Variants in OSBPL1A observed in about 807,000 individuals in gnomAD.
OSBPL1A encodes oxysterol binding protein like 1A.
In OSBPL1A, 80 loss-of-function variants were observed where a neutral mutation model predicts 137.1. The ratio of observed to expected loss-of-function variants is 0.58; its 90% CI spans 0.49 to 0.70. The LOEUF (loss-of-function observed/expected upper bound fraction) is 0.70. Ranked by LOEUF, OSBPL1A falls within the 30% of genes least tolerant of loss-of-function variation. The pLI is 0.00. For synonymous variants in OSBPL1A, 365 were observed against 389.7 expected (o/e 0.94, Z 0.75); for missense variants, 970 against 1,129.4 (o/e 0.86, Z 2.02).
At chr18:24,366,774 T>C (rs1475246360) in intron 4 of OSBPL1A, 118 bp downstream of exon 4, 1 of 939,016 alleles carries the variant, frequency 1.1e-6, no homozygotes, top group East Asian at 2.7e-5. Flanking sequence ...TGCTGGTGTA[T>C]ACATTTTTTT....
At chr18:24,342,084 C>G (rs1003636513) in intron 4 of OSBPL1A, among the ~76,000 whole-genome samples, 1 of 152,064 alleles carries the variant, frequency 6.6e-6, no homozygotes, top group Non-Finnish European at 1.5e-5. Context: ...GATATTTAAA[C>G]AAAATAAAGC....
chr18:24,238,279 C>T (rs1168031795), intron 16 of OSBPL1A, among the ~76,000 whole-genome samples: 1 of 152,152 alleles, frequency 6.6e-6, no homozygotes, highest in Non-Finnish European at 1.5e-5. Context: ...ACTGTATATG[C>T]TCACCTATTA....
intron 15 of OSBPL1A, among the ~76,000 whole-genome samples, chr18:24,269,500 G>T (rs1044595235): frequency 6.6e-6 from 1 of 152,082 alleles, no homozygotes; most frequent in Admixed American, 6.6e-5. Context: ...ATTTTATGAA[G>T]ACAGACTGGT....
intron 17 of OSBPL1A, among the ~76,000 whole-genome samples, chr18:24,200,236 T>C (rs1430923258): frequency 6.6e-6 from 1 of 152,218 alleles, no homozygotes; most frequent in Non-Finnish European, 1.5e-5. Flanking sequence ...GAACAGTTTC[T>C]GCTTCATTTT....
At chr18:24,353,860 T>C (rs576905720) in intron 4 of OSBPL1A, among the ~76,000 whole-genome samples, 332 of 141,360 alleles carry the variant, frequency 2.3e-3, no homozygotes, top group African/African-American at 8.6e-3. Context: ...CAGGTGGGAA[T>C]TGAACAATGA....
intron 15 of OSBPL1A, among the ~76,000 whole-genome samples, chr18:24,274,960 G>T (rs1195729920): frequency 6.6e-6 from 1 of 151,772 alleles, no homozygotes; most frequent in Non-Finnish European, 1.5e-5. Flanking sequence ...TACAAAGGAA[G>T]GAGAAGCCAA....
chr18:24,208,463 T>G (rs749379287), intron 17 of OSBPL1A, among the ~76,000 whole-genome samples: 4 of 152,186 alleles, frequency 2.6e-5, no homozygotes, highest in Non-Finnish European at 5.9e-5. Flanking sequence ...AATTTAACAC[T>G]CATCTCTCTA....
At chr18:24,326,397 T>C (rs1005728403) in intron 7 of OSBPL1A, among the ~76,000 whole-genome samples, 1 of 152,214 alleles carries the variant, frequency 6.6e-6, no homozygotes, top group Non-Finnish European at 1.5e-5. Context: ...GTCACCTCTG[T>C]ACCATATGTC....
chr18:24,384,905 A>G (rs1906845942), intron 1 of OSBPL1A, among the ~76,000 whole-genome samples: 2 of 151,606 alleles, frequency 1.3e-5, no homozygotes, highest in African/African-American at 2.4e-5. Context: ...AAAGAAAAAG[A>G]AAGTAGTTAA....
chr18:24,208,748 T>C (rs1040469427), intron 17 of OSBPL1A, among the ~76,000 whole-genome samples: 3 of 152,238 alleles, frequency 2.0e-5, no homozygotes, highest in African/African-American at 4.8e-5. Context: ...GATGATTTTC[T>C]ATTAATTAGG....
intron 7 of OSBPL1A, among the ~76,000 whole-genome samples, chr18:24,323,045 T>G (rs2090895384): frequency 6.6e-6 from 1 of 152,176 alleles, no homozygotes; most frequent in African/African-American, 2.4e-5. Context: ...TAATTTCAAT[T>G]AAATCCCAAT....
In OSBPL1A at chr18:24,358,775, C is replaced by T. The variant is rs181770078; in HGVS notation, c.282+8117G>A. 5.9e-5 allele frequency among the ~76,000 whole-genome samples: 9 copies of T among 152,302 alleles called. No individual in the cohort carries two copies. The East Asian group carries it at 1.7e-3, about 29-fold the overall frequency. On this transcript the variant is annotated intron_variant, in intron 4 of 27. Coordinates refer to ENST00000319481, the MANE Select transcript of OSBPL1A (RefSeq NM_080597.4). ...ACTATTTTAGAGACAGGGTCTTGCT[C>T]TGTCATCCAAGCTGGAGTGCGGTGG...
chr18:24,257,906 A>T (rs1014008761), intron 15 of OSBPL1A, among the ~76,000 whole-genome samples: 4 of 152,248 alleles, frequency 2.6e-5, no homozygotes, highest in Non-Finnish European at 5.9e-5. Flanking sequence ...GAGAAATGCA[A>T]ATCAAACTAC....
intron 15 of OSBPL1A, among the ~76,000 whole-genome samples, chr18:24,249,781 G>A (rs1008419446): frequency 2.6e-5 from 4 of 152,160 alleles, no homozygotes; most frequent in Non-Finnish European, 4.4e-5. Context: ...TTCGTCACCC[G>A]CGGCCAAAGT....
intron 17 of OSBPL1A, among the ~76,000 whole-genome samples, chr18:24,204,666 G>A (rs1487722399): frequency 6.6e-6 from 1 of 151,638 alleles, no homozygotes; most frequent in Non-Finnish European, 1.5e-5. Context: ...TCTCTTTAAG[G>A]GGTATGTCCT....
At chr18:24,228,639 G>A (rs76322847) in intron 16 of OSBPL1A, among the ~76,000 whole-genome samples, 4,894 of 152,162 alleles carry the variant, frequency 0.032, 102 homozygotes, top group South Asian at 0.062. Context: ...TGGGGGCAGC[G>A]GGCTACAAAG....
chr18:24,360,036 C>A (rs561409952), intron 4 of OSBPL1A, among the ~76,000 whole-genome samples: 1 of 152,186 alleles, frequency 6.6e-6, no homozygotes, highest in Admixed American at 6.5e-5. Context: ...GGCGCGATCT[C>A]GGCTCACTGC....
chr18:24,251,161 C>T (rs567636238), intron 15 of OSBPL1A, among the ~76,000 whole-genome samples: 26 of 152,286 alleles, frequency 1.7e-4, no homozygotes, highest in African/African-American at 6.0e-4. Flanking sequence ...CATCTCTGGA[C>T]CTATTTGGGG....
intron 12 of OSBPL1A, among the ~76,000 whole-genome samples, chr18:24,312,337 A>G (rs1402316964): frequency 1.3e-5 from 2 of 152,206 alleles, no homozygotes; most frequent in Non-Finnish European, 2.9e-5. Context: ...AAGTTTACAT[A>G]TTCATGAATG....
Sources: gnomAD v4.1 joint callset for allele counts (sites outside exome capture counted in the v4.1 genomes callset) on GRCh38, gnomAD v4.1.1 for gene constraint, MANE v1.5 for transcripts, NCBI Gene and HGNC (gene_info 2026-07-23, HGNC 2026-07-21) for gene names.